The following ARHGEF37 variants were observed in gnomAD, a reference collection of about 807,000 sequenced individuals.
ARHGEF37 encodes the protein Rho guanine nucleotide exchange factor 37, also known as Rho guanine nucleotide exchange factor (GEF) 37.
ARHGEF37 carries 55 observed loss-of-function variants against 71.1 expected under a neutral mutation model. The ratio of observed to expected loss-of-function variants is 0.77; its 90% CI spans 0.62 to 0.97. The LOEUF is 0.97. Among genes scored for constraint, ARHGEF37 ranks in the 50% least tolerant of loss-of-function variants. The pLI, the probability that ARHGEF37 is intolerant of heterozygous loss-of-function variation, is 0.00. For synonymous variants in ARHGEF37, 327 were observed against 350.6 expected, an observed-to-expected ratio of 0.93 and a Z score of 0.75; for missense variants, 765 against 836.8, an observed-to-expected ratio of 0.91 and a Z score of 1.06.
At chr5:149,628,677 C>T in intron 11 of ARHGEF37, 132 bp from the exon 12 acceptor site, 1 of 1,226,972 alleles carries the variant, frequency 8.2e-7, no homozygotes, top group Non-Finnish European at 1.1e-6. Context: ...GTTCAGGGTT[C>T]CTAGATGACC....
At chr5:149,573,197 C>A (rs542029450) in intron 1 of ARHGEF37, among the ~76,000 whole-genome samples, 1 of 152,246 alleles carries the variant, frequency 6.6e-6, no homozygotes, top group East Asian at 1.9e-4. Context: ...AAGACACCCA[C>A]GAGGGTAAAG....
At chr5:149,576,381 G>T (rs1763029585) in intron 1 of ARHGEF37, among the ~76,000 whole-genome samples, 1 of 152,210 alleles carries the variant, frequency 6.6e-6, no homozygotes, top group Non-Finnish European at 1.5e-5. Context: ...TGAGGCCTGT[G>T]TGAGCTTCTG....
chr5:149,601,365 AAC>A, intron 3 of ARHGEF37, 134 bp downstream of exon 3: 1 of 1,089,018 alleles, frequency 9.2e-7, no homozygotes, highest in East Asian at 2.7e-5. Flanking sequence ...GGATCTCCAA[AAC>A]ACAACATATC....
At chr5:149,630,959 A>C (rs1435064248) in intron 12 of ARHGEF37, among the ~76,000 whole-genome samples, 1 of 152,130 alleles carries the variant, frequency 6.6e-6, no homozygotes, top group Non-Finnish European at 1.5e-5. Context: ...CACTGTGTAA[A>C]ACCCTACACA....
intron 4 of ARHGEF37, among the ~76,000 whole-genome samples, chr5:149,615,661 G>A (rs1267006240): frequency 6.6e-6 from 1 of 151,978 alleles, no homozygotes; most frequent in East Asian, 1.9e-4. Flanking sequence ...GGAGGCCGAG[G>A]CGGGCAAATC....
intron 8 of ARHGEF37, 142 bp downstream of exon 8, chr5:149,620,606 G>C: frequency 1.8e-6 from 1 of 564,022 alleles, no homozygotes; most frequent in Non-Finnish European, 3.1e-6. Context: ...GAGGCAGGCA[G>C]ATTGCCTGAG....
intron 1 of ARHGEF37, among the ~76,000 whole-genome samples, chr5:149,556,528 C>T (rs1356076817): frequency 6.6e-6 from 1 of 152,160 alleles, no homozygotes; most frequent in African/African-American, 2.4e-5. Context: ...GCTGGGATTA[C>T]AGGCATGTGC....
At chr5:149,612,248 A>C (rs1339194794) in intron 4 of ARHGEF37, among the ~76,000 whole-genome samples, 1 of 152,040 alleles carries the variant, frequency 6.6e-6, no homozygotes, top group Non-Finnish European at 1.5e-5. Context: ...GCCCACTGCA[A>C]CCTCCGTCTC....
At chr5:149,619,808 G>A (rs1485033728) in intron 7 of ARHGEF37, among the ~76,000 whole-genome samples, 1 of 152,174 alleles carries the variant, frequency 6.6e-6, no homozygotes, top group Non-Finnish European at 1.5e-5. Context: ...AGTGGCTTAC[G>A]CCTGTAATCC....
intron 1 of ARHGEF37, among the ~76,000 whole-genome samples, chr5:149,558,913 A>G (rs1762791653): frequency 6.6e-6 from 1 of 152,130 alleles, no homozygotes; most frequent in African/African-American, 2.4e-5. Flanking sequence ...ATATGTATAT[A>G]TGTGTATGTG....
At chr5:149,629,215 G>GATTCATTCATTCATTC (rs34166602) in intron 12 of ARHGEF37, among the ~76,000 whole-genome samples, 35 of 151,224 alleles carry the variant, frequency 2.3e-4, no homozygotes, top group African/African-American at 8.0e-4. Flanking sequence ...GGGCAAGTGA[G>GATTCATTCATTCATTC]ATTCATTCAT....
At chr5:149,551,702 GC>G, upstream of ARHGEF37, 2 of 152,616 alleles carry the variant, frequency 1.3e-5, no homozygotes, top group Non-Finnish European at 1.5e-5. Context: ...AGGCTGAGTG[GC>G]CCCCCGGCCT....
At chr5:149,625,993 G>T (rs893795349) in intron 10 of ARHGEF37, among the ~76,000 whole-genome samples, 1 of 152,178 alleles carries the variant, frequency 6.6e-6, no homozygotes, top group Non-Finnish European at 1.5e-5. Flanking sequence ...ATACTCACAT[G>T]CATATCACTG....
chr5:149,624,178 C>T, intron 10 of ARHGEF37, 38 bp downstream of exon 10: 3 of 1,578,742 alleles, frequency 1.9e-6, no homozygotes, highest in Non-Finnish European at 2.6e-6. Flanking sequence ...CTGTCCAGTT[C>T]TTCACTGGCC....
At chr5:149,568,629 G>A (rs1442974472) in intron 1 of ARHGEF37, among the ~76,000 whole-genome samples, 4 of 151,902 alleles carry the variant, frequency 2.6e-5, no homozygotes, top group Non-Finnish European at 5.9e-5. Context: ...GGCCAACATG[G>A]TGAAACCCCC....
At chr5:149,555,403 A>G (rs1180862460) in intron 1 of ARHGEF37, among the ~76,000 whole-genome samples, 1 of 151,866 alleles carries the variant, frequency 6.6e-6, no homozygotes, top group Non-Finnish European at 1.5e-5. Context: ...TCCTGGGCTC[A>G]AGCAATCCCC....
chr5:149,587,014 C>T lies in ARHGEF37; in HGVS notation c.-12+5390C>T, dbSNP rs527863555. Among the ~76,000 whole-genome samples the T allele has an allele frequency of 2.0e-5, 3 of 152,262 alleles. No individual in the cohort carries two copies. The South Asian group carries it at 6.2e-4, about 32-fold the overall frequency. On this transcript the variant is annotated intron_variant, in intron 1 of 12. Coordinates refer to ENST00000333677, the MANE Select transcript of ARHGEF37 (RefSeq NM_001001669.3). Reference sequence around the variant, plus strand: ...GCTGACTCCAGATGATCTCTGTTTCCCTTTCTAAGGGCTAATGAACTATTT... The same window carrying T: ...GCTGACTCCAGATGATCTCTGTTTCTCTTTCTAAGGGCTAATGAACTATTT...
At chr5:149,619,162 G>GGATGACC in intron 7 of ARHGEF37, 120 bp downstream of exon 7, 1 of 767,544 alleles carries the variant, frequency 1.3e-6, no homozygotes, top group Non-Finnish European at 2.3e-6. Context: ...ACCAGATGAG[G>GGATGACC]TCATCCTGTC....
At chr5:149,592,477 C>T (rs180853140) in intron 1 of ARHGEF37, among the ~76,000 whole-genome samples, 5 of 152,152 alleles carry the variant, frequency 3.3e-5, no homozygotes, top group Admixed American at 2.6e-4. Flanking sequence ...ATCAGCAGTT[C>T]GTTCCTTTTC....
Sources: allele counts gnomAD v4.1 joint callset (sites outside exome capture counted in the v4.1 genomes callset), GRCh38; gene constraint gnomAD v4.1.1; transcripts MANE v1.5; gene names NCBI Gene and HGNC (gene_info 2026-07-23, HGNC 2026-07-21).